The following REDIC1 variants were observed in gnomAD, a reference collection of about 807,000 sequenced individuals.
REDIC1 encodes regulator of DNA class I crossover intermediates 1.
the REDIC1 span, among the ~76,000 whole-genome samples, chr12:39,789,947 T>C: frequency 6.6e-6 from 1 of 152,078 alleles, no homozygotes; most frequent in African/African-American, 2.4e-5. Flanking sequence ...ATCTTTAATA[T>C]ACAACATGAG....
At chr12:39,792,438 A>C in the REDIC1 span, among the ~76,000 whole-genome samples, 1 of 152,296 alleles carries the variant, frequency 6.6e-6, no homozygotes, top group East Asian at 1.9e-4. Flanking sequence ...GTGAACAGGC[A>C]ACATTCTTTT....
At chr12:39,747,749 C>T in the REDIC1 span, among the ~76,000 whole-genome samples, 1 of 152,204 alleles carries the variant, frequency 6.6e-6, no homozygotes, top group Non-Finnish European at 1.5e-5. Context: ...CTCTACAAGC[C>T]AGAAGAGAGT....
At chr12:39,720,462 G>A in the REDIC1 span, among the ~76,000 whole-genome samples, 2 of 152,030 alleles carry the variant, frequency 1.3e-5, no homozygotes, top group African/African-American at 4.8e-5. Flanking sequence ...TCTGTTGAAA[G>A]GGTAGAGAGA....
At chr12:39,869,635 C>T in the REDIC1 span, among the ~76,000 whole-genome samples, 3 of 152,096 alleles carry the variant, frequency 2.0e-5, no homozygotes, top group Non-Finnish European at 4.4e-5. Flanking sequence ...CCTGAAATCC[C>T]CTGGTGTTTC....
the REDIC1 span, among the ~76,000 whole-genome samples, chr12:39,742,605 T>C: frequency 6.6e-6 from 1 of 152,192 alleles, no homozygotes; most frequent in East Asian, 1.9e-4. Flanking sequence ...TTCTAGTCAT[T>C]TGCCCAGTAG....
chr12:39,630,978 A>T, the REDIC1 span, among the ~76,000 whole-genome samples: 2 of 152,118 alleles, frequency 1.3e-5, no homozygotes, highest in African/African-American at 4.8e-5. Context: ...ACTAAATATA[A>T]ACTACCATTA....
the REDIC1 span, chr12:39,647,708 T>G: frequency 4.6e-5 from 47 of 1,031,814 alleles, no homozygotes; most frequent in Non-Finnish European, 5.8e-5. Context: ...CCTTTTCACT[T>G]ATTTTAATTT....
chr12:39,745,749 T>C, the REDIC1 span: 2 of 152,232 alleles, frequency 1.3e-5, no homozygotes, highest in African/African-American at 4.8e-5. Flanking sequence ...CTGTACAGAT[T>C]TGCTGTTTGA....
the REDIC1 span, among the ~76,000 whole-genome samples, chr12:39,713,644 T>C: frequency 6.8e-6 from 1 of 147,266 alleles, no homozygotes; most frequent in Non-Finnish European, 1.5e-5. Flanking sequence ...CATATGTATA[T>C]ATACCTGTAT....
chr12:39,830,497 C>T, the REDIC1 span: 1 of 1,158,492 alleles, frequency 8.6e-7, no homozygotes, highest in South Asian at 2.8e-5. Context: ...GTAGAAGAGT[C>T]CCCATCAATC....
the REDIC1 span, chr12:39,643,898 T>C: frequency 1.3e-6 from 2 of 1,554,682 alleles, no homozygotes; most frequent in Non-Finnish European, 1.7e-6. Flanking sequence ...ATCAGATATC[T>C]TGCAAGAAGA....
chr12:39,648,114 C>A, the REDIC1 span: 1 of 574,904 alleles, frequency 1.7e-6, no homozygotes, highest in South Asian at 5.3e-5. Context: ...AATTAAGGTT[C>A]ATTCCCTTTA....
the REDIC1 span, among the ~76,000 whole-genome samples, chr12:39,707,243 G>C: frequency 1.3e-5 from 2 of 151,712 alleles, no homozygotes; most frequent in Non-Finnish European, 3.0e-5. Context: ...ACATGGCAAA[G>C]GGGCATATGA....
At chr12:39,683,157 GA>G in the REDIC1 span, 1 of 1,556,240 alleles carries the variant, frequency 6.4e-7, no homozygotes, top group Admixed American at 2.1e-5. Context: ...ATTGTACATG[GA>G]AAATGTAATT....
the REDIC1 span, among the ~76,000 whole-genome samples, chr12:39,715,423 C>T: frequency 1.2e-4 from 18 of 151,666 alleles, no homozygotes; most frequent in African/African-American, 3.4e-4. Context: ...GGTCTATGTG[C>T]CTATTTTTAT....
At chr12:39,784,763 G>T in the REDIC1 span, among the ~76,000 whole-genome samples, 1 of 152,234 alleles carries the variant, frequency 6.6e-6, no homozygotes, top group South Asian at 2.1e-4. Context: ...CACAGCAAAA[G>T]AAACTACCAT....
chr12:39,666,346 C>T, the REDIC1 span, among the ~76,000 whole-genome samples: 3 of 152,094 alleles, frequency 2.0e-5, no homozygotes, highest in Non-Finnish European at 2.9e-5. Context: ...GTTGTTGGTT[C>T]TGTTTATATG....
the REDIC1 span, among the ~76,000 whole-genome samples, chr12:39,825,902 G>T: frequency 6.6e-6 from 1 of 151,936 alleles, no homozygotes; most frequent in South Asian, 2.1e-4. Flanking sequence ...GTTTTGCATT[G>T]TGATTTCTTC....
At chr12:39,716,923 CTGT>C in the REDIC1 span, 18 of 870,342 alleles carry the variant, frequency 2.1e-5, no homozygotes, top group East Asian at 6.1e-4. Context: ...CCCTATAAAA[CTGT>C]TGAGTCAATT....
Sources: allele counts gnomAD v4.1 joint callset (sites outside exome capture counted in the v4.1 genomes callset), GRCh38; gene constraint gnomAD v4.1.1; transcripts MANE v1.5; gene names NCBI Gene and HGNC (gene_info 2026-07-23, HGNC 2026-07-21).